The following AVL9 variants were observed in gnomAD, a reference collection of about 807,000 sequenced individuals.
AVL9 encodes the protein late secretory pathway protein AVL9 homolog.
In AVL9, 49 loss-of-function variants were observed where a neutral mutation model predicts 79.2. The ratio of observed to expected loss-of-function variants is 0.62; its 90% CI spans 0.49 to 0.79. The LOEUF is 0.79. Among genes scored for constraint, AVL9 ranks in the 30% least tolerant of loss-of-function variants. AVL9 has a pLI of 0.00. For missense variants in AVL9, 682 were observed against 776.8 expected (o/e 0.88, Z 1.45); for synonymous variants, 299 against 280.6 (o/e 1.07, Z -0.65).
At chr7:32,507,864 C>T (rs1377233663) in intron 1 of AVL9, among the ~76,000 whole-genome samples, 1 of 152,212 alleles carries the variant, frequency 6.6e-6, no homozygotes, top group Non-Finnish European at 1.5e-5. Context: ...CACTGGTGTT[C>T]TTCATGCTCC....
rs1439297839 is a variant in AVL9, at chr7:32,553,710, T to C, written c.530-17T>C. On this transcript the variant is annotated splice_polypyrimidine_tract_variant and intron_variant, in intron 6 of 15. Transcript: ENST00000318709. ...TTACATTGTAGTCACACTTGAGCTT[T>C]TTTGTTAACATTGTAGGTCTGTCAC... is the stretch of plus-strand genomic sequence containing the variant. 1 of 1,606,116 alleles carries C rather than the reference T, an allele frequency of 6.2e-7. No individual in the cohort carries two copies. The highest frequency in any genetic ancestry group is 2.2e-5 in the East Asian group (1 of 44,800).
intron 10 of AVL9, among the ~76,000 whole-genome samples, chr7:32,560,259 T>TA (rs201905567): frequency 1.4e-5 from 1 of 71,834 alleles, no homozygotes; most frequent in Non-Finnish European, 3.2e-5. Flanking sequence ...ATAATTATTT[T>TA]AAAAAAACAA....
At chr7:32,571,945 C>T (rs868110538) in intron 11 of AVL9, among the ~76,000 whole-genome samples, 53 of 152,118 alleles carry the variant, frequency 3.5e-4, no homozygotes, top group African/African-American at 1.3e-3. Context: ...GGGCGGGTCA[C>T]AAGGTCAAGA....
intron 1 of AVL9, among the ~76,000 whole-genome samples, chr7:32,503,387 C>G (rs1315478151): frequency 6.9e-6 from 1 of 145,636 alleles, no homozygotes; most frequent in Non-Finnish European, 1.5e-5. Flanking sequence ...CACACACACA[C>G]ACACACACAC....
At chr7:32,575,556 A>G (rs1036492964) in intron 12 of AVL9, among the ~76,000 whole-genome samples, 1 of 152,158 alleles carries the variant, frequency 6.6e-6, no homozygotes, top group African/African-American at 2.4e-5. Flanking sequence ...AAAAGTAGAA[A>G]GATATCCCAA....
At chr7:32,510,999 C>T (rs1430120466) in intron 1 of AVL9, among the ~76,000 whole-genome samples, 1 of 141,148 alleles carries the variant, frequency 7.1e-6, no homozygotes, top group African/African-American at 2.6e-5. Flanking sequence ...TGAACTGCCC[C>T]GGTATGAGGG....
intron 1 of AVL9, among the ~76,000 whole-genome samples, chr7:32,498,131 T>C (rs1212630559): frequency 6.6e-6 from 1 of 152,130 alleles, no homozygotes; most frequent in Non-Finnish European, 1.5e-5. Flanking sequence ...GACCTCAAAG[T>C]AAAAGCCATC....
At chr7:32,535,260 A>T (rs571819224) in intron 1 of AVL9, 1 of 152,330 alleles carries the variant, frequency 6.6e-6, no homozygotes, top group Non-Finnish European at 1.5e-5. Flanking sequence ...TTTGGAGACC[A>T]TTGGTTTCCA....
At position 32,495,719 on chromosome 7, in the gene AVL9, G is replaced by A. The variant is rs1786764977; in HGVS notation, c.10G>A (p.Ala4Thr). 7.9e-7 allele frequency: 1 copy of A among 1,261,352 alleles called. No individual in the cohort carries two copies. The highest frequency in any genetic ancestry group is 1.0e-6 in the Non-Finnish European group (1 of 993,072). 78.1% of individuals were successfully genotyped at this position (1,261,352 alleles called of 1,614,324 possible). A position where few individuals can be genotyped will look rare whatever the true frequency, so the allele number is the denominator to read the frequency against. Residue 4 changes from alanine (A) to threonine (T), a missense_variant, in exon 1 of 16, where the codon GCC becomes ACC. Physicochemically the swap from Ala to Thr is moderately conservative, Grantham distance 58. Coordinates refer to ENST00000318709, the MANE Select transcript of AVL9 (RefSeq NM_015060.3). ...CCCGCGGCGGCCGCCCATGGAGAAG[G>A]CCAGGAGAGGCGGGGATGGCGTCCC... MEK[A>T]RRGGDGVPRG...
At chr7:32,505,670 G>C (rs1047824089) in intron 1 of AVL9, among the ~76,000 whole-genome samples, 2 of 152,056 alleles carry the variant, frequency 1.3e-5, no homozygotes, top group Non-Finnish European at 2.9e-5. Context: ...CTAGTACAGA[G>C]GTAGGAGATA....
intron 15 of AVL9, among the ~76,000 whole-genome samples, chr7:32,582,700 T>C (rs893910398): frequency 1.3e-5 from 2 of 152,182 alleles, no homozygotes; most frequent in Non-Finnish European, 2.9e-5. Flanking sequence ...CACCTTTTTT[T>C]CCTGAGACAG....
At chr7:32,581,437 G>A (rs1256004131) in intron 15 of AVL9, 1 of 152,320 alleles carries the variant, frequency 6.6e-6, no homozygotes, top group Non-Finnish European at 1.5e-5. Flanking sequence ...ACAACTTTAT[G>A]CTAACCAGTT....
intron 12 of AVL9, among the ~76,000 whole-genome samples, chr7:32,575,353 C>T (rs1791043782): frequency 3.3e-5 from 5 of 152,160 alleles, no homozygotes; most frequent in Admixed American, 3.3e-4. Flanking sequence ...CCCTCCTCGA[C>T]CTCCCAAAGT....
chr7:32,526,976 C>G (rs927508631), intron 1 of AVL9, among the ~76,000 whole-genome samples: 1 of 152,106 alleles, frequency 6.6e-6, no homozygotes, highest in Non-Finnish European at 1.5e-5. Flanking sequence ...GTTGGATATT[C>G]CCCGGGGACC....
rs1360451510 is a variant in AVL9 at position 32,555,630 on chromosome 7, G to C, written c.609+1034G>C. Among the ~76,000 whole-genome samples, 5 of 152,342 alleles carry C rather than the reference G, an allele frequency of 3.3e-5. No individual in the cohort carries two copies. In the South Asian group the frequency reaches 6.2e-4, roughly 19 times the overall value. On this transcript the variant is annotated intron_variant, in intron 8 of 15. Transcript: ENST00000318709. ...CACACTGTAGTGGCAGAGTTGAGTA[G>C]TTGTGACAGACCATATGGCCCGCAA...
chr7:32,579,449 TATTA>T lies in AVL9; in HGVS notation c.1689-769_1689-766del, dbSNP rs1791295832. On this transcript the variant is annotated intron_variant, in intron 13 of 15. Transcript: ENST00000318709. ...TATAATATATATATTATATATAATATATTATATATTATATATAATATATTATATT... is the reference window on the plus strand; with the variant it reads ...TATAATATATATATTATATATAATATTATATTATATATAATATATTATATT... Among the ~76,000 whole-genome samples the T allele has an allele frequency of 5.4e-4, 2 of 3,698 alleles. 1 individual carries two copies. Among genetic ancestry groups the T allele is most frequent in the Non-Finnish European group, 9.8e-4 (2 of 2,042 alleles). The allele number at this position is 3,698 out of a possible 152,430, so 2.4% of individuals were successfully genotyped here. A position where few individuals can be genotyped will look rare whatever the true frequency, so the allele number is the denominator to read the frequency against.
Position 32,559,313 on chromosome 7 carries a change from C to A in AVL9, c.1064C>A (p.Thr355Lys). The change falls in exon 10 of 16, where the codon ACA (threonine) becomes AAA (lysine). Residue 355 changes from threonine (T) to lysine (K), a missense_variant. Thr to Lys is a moderately conservative substitution (Grantham distance 78). Transcript: ENST00000318709. Reference protein sequence around the residue: ...KEREQLGSDQTNLFPKDSVPS... With the variant: ...KEREQLGSDQKNLFPKDSVPS... ...AGGGAACAGCTGGGATCAGACCAGA[C>A]AAATTTGTTTCCAAAGGACTCTGTC... 6.2e-7 allele frequency: 1 copy of A among 1,614,174 alleles called. No homozygotes were observed. Among genetic ancestry groups the A allele is most frequent in the Non-Finnish European group, 8.5e-7 (1 of 1,180,024 alleles).
At chr7:32,547,430 C>T (rs1583556052) in intron 3 of AVL9, among the ~76,000 whole-genome samples, 2 of 152,312 alleles carry the variant, frequency 1.3e-5, no homozygotes, top group African/African-American at 4.8e-5. Flanking sequence ...ATGAATTGAG[C>T]TGCTGTCCGT....
At chr7:32,502,144 G>A (rs34028383) in intron 1 of AVL9, among the ~76,000 whole-genome samples, 28,312 of 151,688 alleles carry the variant, frequency 0.19, 2,945 homozygotes, top group South Asian at 0.31. Flanking sequence ...TGGGAAGATC[G>A]CTTGAGCCCA....
Sources: gnomAD v4.1 joint callset for allele counts (sites outside exome capture counted in the v4.1 genomes callset) on GRCh38, gnomAD v4.1.1 for gene constraint, MANE v1.5 for transcripts, NCBI Gene and HGNC (gene_info 2026-07-23, HGNC 2026-07-21) for gene names.